ETV6: variants seen among roughly 807,000 people sequenced by gnomAD.
The protein encoded by ETV6 is ETS variant transcription factor 6.
ETV6 carries 16 observed loss-of-function variants against 51.1 expected under a neutral mutation model. That is an observed-to-expected ratio of 0.31 (90% CI 0.21 to 0.48). The LOEUF is 0.48. ETV6 is among the 20% of genes least tolerant of loss of function. The pLI is 0.99. For missense variants in ETV6, 458 were observed against 594.8 expected, an observed-to-expected ratio of 0.77 and a Z score of 2.39; for synonymous variants, 240 against 224.1, an observed-to-expected ratio of 1.07 and a Z score of -0.64.
intron 2 of ETV6, among the ~76,000 whole-genome samples, chr12:11,804,396 T>C (rs1565532564): frequency 6.6e-6 from 1 of 152,232 alleles, no homozygotes; most frequent in Non-Finnish European, 1.5e-5. Flanking sequence ...CTGAAATTTG[T>C]AAATCTCGTC....
chr12:11,683,231 A>G (rs1008137843), intron 1 of ETV6, among the ~76,000 whole-genome samples: 1 of 152,110 alleles, frequency 6.6e-6, no homozygotes, highest in African/African-American at 2.4e-5. Context: ...TTTAGTAGAG[A>G]CGGGGTTTTG....
chr12:11,795,214 T>A (rs1486031290), intron 2 of ETV6, among the ~76,000 whole-genome samples: 1 of 152,248 alleles, frequency 6.6e-6, no homozygotes, highest in African/African-American at 2.4e-5. Flanking sequence ...AAGCAGGAAC[T>A]GTTATTTGGT....
At chr12:11,779,581 G>A (rs569902444) in intron 2 of ETV6, among the ~76,000 whole-genome samples, 11 of 152,296 alleles carry the variant, frequency 7.2e-5, no homozygotes, top group Middle Eastern at 6.8e-3. Flanking sequence ...TTCAAGTGAC[G>A]CAACCATTTG....
In ETV6 at chr12:11,834,994, C is replaced by G. The variant is rs572745556; in HGVS notation, c.164-4146C>G. Among the ~76,000 whole-genome samples the G allele has an allele frequency of 3.3e-5, 5 of 152,260 alleles. No individual in the cohort carries two copies. In the East Asian group the frequency reaches 9.6e-4, roughly 29 times the overall value. On this transcript the variant is annotated intron_variant, in intron 2 of 7. Coordinates refer to ENST00000396373, the MANE Select transcript of ETV6 (RefSeq NM_001987.5). ...GGCTCCTGTCTCCCAACATGTTTGT[C>G]ATCATTAGTTTAAGAACATCTCAGA...
chr12:11,751,525 C>T (rs981353346), intron 1 of ETV6: 13 of 502,910 alleles, frequency 2.6e-5, no homozygotes, highest in Admixed American at 8.1e-5. Context: ...GCTGTTTTGC[C>T]GAACCCAACA....
chr12:11,688,518 C>G (rs900641002), intron 1 of ETV6, among the ~76,000 whole-genome samples: 1 of 152,196 alleles, frequency 6.6e-6, no homozygotes. Flanking sequence ...TCAGGCAAAA[C>G]CTCACTGTCC....
intron 3 of ETV6, among the ~76,000 whole-genome samples, chr12:11,853,101 C>T (rs1946581093): frequency 6.6e-6 from 1 of 152,152 alleles, no homozygotes; most frequent in Non-Finnish European, 1.5e-5. Context: ...GTGGGAGGAT[C>T]ACTTGAGCCT....
Position 11,894,049 on chromosome 12 carries a change from G to A in ETV6, c.*3003G>A, listed in dbSNP as rs1947351501. 1 of 226,922 alleles carries A rather than the reference G, an allele frequency of 4.4e-6. No homozygotes were observed. Among genetic ancestry groups the A allele is most frequent in the Non-Finnish European group, 8.8e-6 (1 of 114,248 alleles). The allele number at this position is 226,922 out of a possible 1,614,324, so 14.1% of individuals were successfully genotyped here. A position where few individuals can be genotyped will look rare whatever the true frequency, so the allele number is the denominator to read the frequency against. ...CGGGTAGTGCCAGCACCTGGATACA[G>A]TATTTACACCCTGCAGACCCTAAAG... On this transcript the variant is annotated 3_prime_UTR_variant, in exon 8 of 8. Transcript: ENST00000396373.
At chr12:11,712,786 C>T (rs1865197903) in intron 1 of ETV6, among the ~76,000 whole-genome samples, 1 of 152,186 alleles carries the variant, frequency 6.6e-6, no homozygotes, top group Non-Finnish European at 1.5e-5. Context: ...TCACGGTGTT[C>T]AGGCAAATAT....
intron 3 of ETV6, among the ~76,000 whole-genome samples, chr12:11,846,583 A>T (rs1225858797): frequency 6.6e-6 from 1 of 152,214 alleles, no homozygotes; most frequent in East Asian, 1.9e-4. Flanking sequence ...CAAATAGCCG[A>T]AGGAAACCAT....
At chr12:11,810,083 T>G (rs1010700889) in intron 2 of ETV6, among the ~76,000 whole-genome samples, 1 of 152,086 alleles carries the variant, frequency 6.6e-6, no homozygotes, top group Non-Finnish European at 1.5e-5. Flanking sequence ...CCTCCCAAAG[T>G]GCTGGGATTA....
intron 2 of ETV6, among the ~76,000 whole-genome samples, chr12:11,763,469 T>C (rs558876566): frequency 6.6e-6 from 1 of 152,308 alleles, no homozygotes; most frequent in Admixed American, 6.5e-5. Flanking sequence ...CCTGACCAAG[T>C]GCTGAGAGGA....
At chr12:11,778,043 C>A (rs146377186) in intron 2 of ETV6, among the ~76,000 whole-genome samples, 180 of 152,180 alleles carry the variant, frequency 1.2e-3, no homozygotes, top group African/African-American at 4.2e-3. Context: ...GTGGATCTCA[C>A]CTACGTGACC....
intron 5 of ETV6, among the ~76,000 whole-genome samples, chr12:11,880,012 T>A (rs1314736542): frequency 8.0e-5 from 10 of 125,050 alleles, no homozygotes; most frequent in Non-Finnish European, 1.2e-4. Context: ...ATAACTGACA[T>A]GGCTTGAATG....
intron 1 of ETV6, among the ~76,000 whole-genome samples, chr12:11,657,556 T>C (rs2120624561): frequency 6.6e-6 from 1 of 152,344 alleles, no homozygotes; most frequent in South Asian, 2.1e-4. Context: ...TTCAGTTACG[T>C]GGATGAATGA....
intron 4 of ETV6, among the ~76,000 whole-genome samples, chr12:11,858,404 ATT>A (rs869173678): frequency 1.3e-5 from 2 of 149,846 alleles, no homozygotes; most frequent in African/African-American, 2.5e-5. Flanking sequence ...ATATATATAT[ATT>A]TTTTTTTAAT....
intron 1 of ETV6, among the ~76,000 whole-genome samples, chr12:11,738,234 CTCCT>C (rs1273565372): frequency 1.6e-4 from 11 of 69,830 alleles, no homozygotes; most frequent in Non-Finnish European, 2.8e-4. Flanking sequence ...CCCTCCCTCC[CTCCT>C]TCCCTCCTTC....
At chr12:11,717,359 A>G (rs1476168794) in intron 1 of ETV6, among the ~76,000 whole-genome samples, 2 of 152,234 alleles carry the variant, frequency 1.3e-5, no homozygotes, top group Admixed American at 6.5e-5. Context: ...CCCATAAAAC[A>G]TATCTGCTTC....
At chr12:11,862,487 A>G (rs1946731332) in intron 4 of ETV6, among the ~76,000 whole-genome samples, 1 of 152,170 alleles carries the variant, frequency 6.6e-6, no homozygotes, top group Admixed American at 6.5e-5. Context: ...TCCAAGGTCA[A>G]CGTGTGCCAG....
Sources: gnomAD v4.1 joint callset for allele counts (sites outside exome capture counted in the v4.1 genomes callset) on GRCh38, gnomAD v4.1.1 for gene constraint, MANE v1.5 for transcripts, NCBI Gene and HGNC (gene_info 2026-07-23, HGNC 2026-07-21) for gene names.